LRRC4C: variants seen among roughly 807,000 people sequenced by gnomAD.
LRRC4C encodes leucine rich repeat containing 4C, also known as leucine-rich repeat-containing protein 4C.
Under a neutral mutation model 33.6 loss-of-function variants are expected in LRRC4C, and 5 were observed. The ratio of observed to expected loss-of-function variants is 0.15; its 90% confidence interval spans 0.08 to 0.31. The LOEUF (loss-of-function observed/expected upper bound fraction) is 0.31. Among genes scored for constraint, LRRC4C ranks in the 10% least tolerant of loss-of-function variants. The pLI is 1.00. For missense variants in LRRC4C, 560 were observed against 796.7 expected (o/e 0.70, Z 3.58); for synonymous variants, 329 against 302.0 (o/e 1.09, Z -0.93).
At chr11:41,242,076 A>C (rs1018142752) in intron 1 of LRRC4C, among the ~76,000 whole-genome samples, 3 of 152,138 alleles carry the variant, frequency 2.0e-5, no homozygotes, top group Non-Finnish European at 1.5e-5. Flanking sequence ...AAGAAAAGTC[A>C]TTCTAATTTA....
intron 3 of LRRC4C, among the ~76,000 whole-genome samples, chr11:40,586,635 T>G (rs1958762559): frequency 6.7e-6 from 1 of 149,600 alleles, no homozygotes; most frequent in Non-Finnish European, 1.5e-5. Flanking sequence ...TTAATCCATC[T>G]TGAATTGATT....
At chr11:40,133,696 T>A (rs985829363) in intron 6 of LRRC4C, among the ~76,000 whole-genome samples, 8 of 151,532 alleles carry the variant, frequency 5.3e-5, no homozygotes, top group Non-Finnish European at 8.8e-5. Flanking sequence ...ACTGAGGGAG[T>A]GTGTATGATT....
chr11:40,811,037 C>T (rs2135384534), intron 2 of LRRC4C, among the ~76,000 whole-genome samples: 1 of 152,328 alleles, frequency 6.6e-6, no homozygotes, highest in Non-Finnish European at 1.5e-5. Flanking sequence ...TTGTACTCTG[C>T]ATTCCAGAAA....
At chr11:40,221,617 A>T (rs1864425025) in intron 5 of LRRC4C, among the ~76,000 whole-genome samples, 1 of 152,182 alleles carries the variant, frequency 6.6e-6, no homozygotes, top group Non-Finnish European at 1.5e-5. Flanking sequence ...AGAAAAAGTA[A>T]AAACTGAAAG....
chr11:40,961,865 A>G (rs1850999988), intron 1 of LRRC4C, among the ~76,000 whole-genome samples: 1 of 151,644 alleles, frequency 6.6e-6, no homozygotes, highest in South Asian at 2.1e-4. Flanking sequence ...TCCACACCAG[A>G]TGCTGTGTGT....
intron 1 of LRRC4C, among the ~76,000 whole-genome samples, chr11:41,366,222 A>C (rs995231283): frequency 2.1e-4 from 31 of 150,374 alleles, no homozygotes; most frequent in Admixed American, 1.3e-3. Context: ...AGATAGATAG[A>C]TAGATAGATA....
chr11:40,843,002 A>G (rs545251924), intron 2 of LRRC4C, among the ~76,000 whole-genome samples: 1 of 152,288 alleles, frequency 6.6e-6, no homozygotes, highest in African/African-American at 2.4e-5. Flanking sequence ...CCTGTTCCAA[A>G]CATCTTTTGT....
chr11:40,170,266 C>T (rs1233187571), intron 5 of LRRC4C, among the ~76,000 whole-genome samples: 4 of 152,322 alleles, frequency 2.6e-5, no homozygotes, highest in Non-Finnish European at 4.4e-5. Flanking sequence ...CTGCTTTGTT[C>T]TAGTGTAGTC....
intron 3 of LRRC4C, among the ~76,000 whole-genome samples, chr11:40,633,292 C>T (rs1963623771): frequency 6.6e-6 from 1 of 151,280 alleles, no homozygotes; most frequent in South Asian, 2.1e-4. Context: ...AATAACAGGC[C>T]TTGATTTAAA....
rs370646282 is a variant in LRRC4C, at chr11:41,239,214, C to A, written c.-496+220217G>T. On this transcript the variant is annotated intron_variant, in intron 1 of 6. Coordinates refer to ENST00000528697, the MANE Select transcript of LRRC4C (RefSeq NM_001258419.2). ...GTGGACGCCTGTAGTCCCAGCTACT[C>A]GGGAGGCTGAGGCAGGAGAATGGCA... Among the ~76,000 whole-genome samples the A allele has an allele frequency of 2.2e-3, 316 of 141,452 alleles. 2 individuals are homozygous for A. Among genetic ancestry groups the A allele is most frequent in the African/African-American group, 7.7e-3 (301 of 38,866 alleles). The allele number at this position is 141,452 out of a possible 152,430, so 92.8% of individuals were successfully genotyped here.
intron 3 of LRRC4C, among the ~76,000 whole-genome samples, chr11:40,633,385 T>TTCTCTCTCTCTCTC (rs1205746867): frequency 2.7e-4 from 26 of 96,214 alleles, no homozygotes; most frequent in Admixed American, 3.3e-4. Context: ...CTCTCTTTCT[T>TTCTCTCTCTCTCTC]TCTTTCTTTC....
chr11:40,705,314 G>C (rs1369035791), intron 2 of LRRC4C, among the ~76,000 whole-genome samples: 1 of 151,854 alleles, frequency 6.6e-6, no homozygotes, highest in South Asian at 2.1e-4. Flanking sequence ...CCATTAACTC[G>C]TCATTCACAT....
rs1302012884 is a variant in LRRC4C, at chr11:40,915,364, A to C, written c.-407+18271T>G. 5.9e-5 allele frequency among the ~76,000 whole-genome samples: 9 copies of C among 152,182 alleles called. 1 individual carries two copies. The highest frequency in any genetic ancestry group is 3.4e-3 in the Middle Eastern group (1 of 294). ...AAAACAGAGATATAGATCAATGGAA[A>C]AGAACAGAGCCCTCAGAAATAATGC... is the stretch of plus-strand genomic sequence containing the variant. On this transcript the variant is annotated intron_variant, in intron 2 of 6. Coordinates refer to ENST00000528697, the MANE Select transcript of LRRC4C (RefSeq NM_001258419.2).
At chr11:40,271,574 T>G in intron 4 of LRRC4C, among the ~76,000 whole-genome samples, 1 of 152,190 alleles carries the variant, frequency 6.6e-6, no homozygotes, top group East Asian at 1.9e-4. Context: ...TGGCTCTGGC[T>G]GAAACAGCTT....
At chr11:40,659,852 G>A (rs1943334841) in intron 2 of LRRC4C, among the ~76,000 whole-genome samples, 1 of 152,184 alleles carries the variant, frequency 6.6e-6, no homozygotes, top group Admixed American at 6.5e-5. Flanking sequence ...TCACCCTCCA[G>A]TTGTCCATGT....
intron 3 of LRRC4C, among the ~76,000 whole-genome samples, chr11:40,471,596 T>C (rs1396843296): frequency 2.0e-5 from 3 of 151,420 alleles, no homozygotes; most frequent in East Asian, 2.0e-4. Flanking sequence ...CAGTGTGCTG[T>C]ATTCAGGAGA....
chr11:40,988,815 C>T (rs188418402), intron 1 of LRRC4C, among the ~76,000 whole-genome samples: 1,924 of 146,014 alleles, frequency 0.013, 18 homozygotes, highest in Non-Finnish European at 0.019. Flanking sequence ...CTCCCGGGTT[C>T]ATGCCATTCT....
intron 4 of LRRC4C, among the ~76,000 whole-genome samples, chr11:40,284,410 T>C (rs991047997): frequency 6.6e-6 from 1 of 152,206 alleles, no homozygotes. Flanking sequence ...TTGGATGATA[T>C]ATCTAGAGGA....
chr11:40,463,091 A>C (rs1044484276), intron 3 of LRRC4C, among the ~76,000 whole-genome samples: 1 of 152,068 alleles, frequency 6.6e-6, no homozygotes, highest in Admixed American at 6.6e-5. Flanking sequence ...GGTCAAGGGG[A>C]TGGGAGATGC....
Sources: allele counts gnomAD v4.1 joint callset (sites outside exome capture counted in the v4.1 genomes callset), GRCh38; gene constraint gnomAD v4.1.1; transcripts MANE v1.5; gene names NCBI Gene and HGNC (gene_info 2026-07-23, HGNC 2026-07-21).